CDH11: variants seen among roughly 807,000 people sequenced by gnomAD.
CDH11 encodes cadherin-11.
CDH11 carries 11 observed loss-of-function variants against 67.8 expected under a neutral mutation model. That is an observed-to-expected ratio of 0.16 (90% CI 0.10 to 0.27). The LOEUF (loss-of-function observed/expected upper bound fraction) is 0.27. Ranked by LOEUF, CDH11 falls within the 10% of genes least tolerant of loss-of-function variation. The probability of loss-of-function intolerance (pLI) is 1.00; values close to 1 mark genes in which losing one functional copy is unlikely to be tolerated. For missense variants in CDH11, 847 were observed against 1,031.2 expected, an observed-to-expected ratio of 0.82 and a Z score of 2.45; for synonymous variants, 419 against 400.0, an observed-to-expected ratio of 1.05 and a Z score of -0.57.
intron 1 of CDH11, among the ~76,000 whole-genome samples, chr16:65,110,656 G>C (rs1418149658): frequency 6.7e-6 from 1 of 150,040 alleles, no homozygotes; most frequent in Non-Finnish European, 1.5e-5. Flanking sequence ...GTGTGTGTGT[G>C]TGTGTGTGTG....
Position 65,013,231 on chromosome 16 carries a change from G to A in CDH11, c.-172-8190C>T, listed in dbSNP as rs528027178. Among the ~76,000 whole-genome samples, 11 of 152,220 alleles carry A rather than the reference G, an allele frequency of 7.2e-5. No individual in the cohort carries two copies. In the East Asian group the frequency reaches 2.1e-3, roughly 29 times the overall value. ...GCATCATGGGAATCGTGCCTTCTGGGGCTAGACAATGCAGAGGCCCTGCTA... is the reference window on the plus strand; with the variant it reads ...GCATCATGGGAATCGTGCCTTCTGGAGCTAGACAATGCAGAGGCCCTGCTA... On this transcript the variant is annotated intron_variant, in intron 2 of 12. Transcript: ENST00000268603.
At chr16:65,032,702 T>C (rs997420111) in intron 2 of CDH11, among the ~76,000 whole-genome samples, 1 of 152,246 alleles carries the variant, frequency 6.6e-6, no homozygotes, top group Non-Finnish European at 1.5e-5. Flanking sequence ...AATTTCATTC[T>C]GATTTCCCCT....
At chr16:64,990,542 T>TACACATCTGTACATACATAG (rs1555515725) in intron 6 of CDH11, among the ~76,000 whole-genome samples, 1 of 151,728 alleles carries the variant, frequency 6.6e-6, no homozygotes, top group Admixed American at 6.6e-5. Context: ...TGTCCATTCA[T>TACACATCTGTACATACATAG]ACACATCTGT....
intron 1 of CDH11, among the ~76,000 whole-genome samples, chr16:65,074,565 A>G (rs1401295519): frequency 6.6e-6 from 1 of 152,164 alleles, no homozygotes; most frequent in Admixed American, 6.5e-5. Flanking sequence ...GTCCCAAGAA[A>G]GCACCCAAGA....
At chr16:65,068,730 T>C (rs1324431939) in intron 1 of CDH11, among the ~76,000 whole-genome samples, 1 of 152,230 alleles carries the variant, frequency 6.6e-6, no homozygotes, top group African/African-American at 2.4e-5. Flanking sequence ...CGAAGAAACA[T>C]TAAAGACCAG....
At chr16:65,037,665 T>C (rs559073690) in intron 2 of CDH11, among the ~76,000 whole-genome samples, 8 of 152,118 alleles carry the variant, frequency 5.3e-5, no homozygotes, top group Admixed American at 1.3e-4. Flanking sequence ...GCTTCTGAAC[T>C]GTTTACTTGG....
intron 1 of CDH11, among the ~76,000 whole-genome samples, chr16:65,093,573 A>T (rs1437890231): frequency 6.6e-6 from 1 of 152,120 alleles, no homozygotes; most frequent in Admixed American, 6.5e-5. Flanking sequence ...AGGAGACATG[A>T]TCCTTCAAAC....
intron 1 of CDH11, among the ~76,000 whole-genome samples, chr16:65,101,750 T>C (rs2074996190): frequency 6.6e-6 from 1 of 152,070 alleles, no homozygotes; most frequent in Non-Finnish European, 1.5e-5. Context: ...CTAAAAATTA[T>C]TTTTTTCACT....
intron 2 of CDH11, among the ~76,000 whole-genome samples, chr16:65,016,385 A>G (rs2073309346): frequency 6.6e-6 from 1 of 152,182 alleles, no homozygotes; most frequent in Non-Finnish European, 1.5e-5. Flanking sequence ...TCAAGTGCTT[A>G]GTACAAACGC....
chr16:65,002,261 C>CA (rs59853189), intron 3 of CDH11, among the ~76,000 whole-genome samples: 9,096 of 152,070 alleles, frequency 0.06, 628 homozygotes, highest in African/African-American at 0.17. Context: ...GTAGGCATGA[C>CA]AATTGCTTAC....
chr16:64,988,939 T>A (rs985902856), intron 6 of CDH11, among the ~76,000 whole-genome samples: 1 of 152,128 alleles, frequency 6.6e-6, no homozygotes, highest in Non-Finnish European at 1.5e-5. Flanking sequence ...TTTCCTGCAG[T>A]GTGACCCTCC....
At chr16:65,031,790 G>A (rs1182240670) in intron 2 of CDH11, among the ~76,000 whole-genome samples, 1 of 152,174 alleles carries the variant, frequency 6.6e-6, no homozygotes, top group African/African-American at 2.4e-5. Flanking sequence ...AGAAAATGCT[G>A]AGATTCATGC....
intron 1 of CDH11, among the ~76,000 whole-genome samples, chr16:65,101,000 C>A (rs2074982232): frequency 6.6e-6 from 1 of 152,174 alleles, no homozygotes; most frequent in Admixed American, 6.5e-5. Flanking sequence ...AATTGCTTTT[C>A]TAATATTGTC....
At chr16:65,108,681 A>ATT (rs11383796) in intron 1 of CDH11, among the ~76,000 whole-genome samples, 3 of 102,488 alleles carry the variant, frequency 2.9e-5, no homozygotes, top group Non-Finnish European at 2.1e-5. Flanking sequence ...TCAAATCAAT[A>ATT]TTTAAAAAAA....
At chr16:65,122,246 G>A (rs529607220), upstream of CDH11, 43 of 451,336 alleles carry the variant, frequency 9.5e-5, no homozygotes, top group African/African-American at 7.7e-4. Flanking sequence ...AGGCTGCGGG[G>A]GCCGACCCCG....
chr16:65,070,267 T>C (rs1285082515), intron 1 of CDH11, among the ~76,000 whole-genome samples: 2 of 152,096 alleles, frequency 1.3e-5, no homozygotes, highest in Non-Finnish European at 2.9e-5. Context: ...CCACGGAACA[T>C]GGAGAGAACA....
chr16:65,085,893 A>G (rs868075285), intron 1 of CDH11, among the ~76,000 whole-genome samples: 15 of 152,244 alleles, frequency 9.9e-5, no homozygotes, highest in South Asian at 4.1e-4. Flanking sequence ...TCAGGTATGA[A>G]AAGTAATTCT....
rs776618431 is a variant in CDH11 at position 64,947,650 on chromosome 16, G to T, written c.2344C>A (p.Leu782Ile). 21 of 1,613,932 alleles carry T rather than the reference G, an allele frequency of 1.3e-5. No homozygotes were observed. Among genetic ancestry groups the T allele is most frequent in the Non-Finnish European group, 1.8e-5 (21 of 1,179,964 alleles). ...TCTTTGGAACCATACAAATCTGCTAGTTTCTTAAAACGAGGTCCCCAGTTC... is the reference window on the plus strand; with the variant it reads ...TCTTTGGAACCATACAAATCTGCTATTTTCTTAAAACGAGGTCCCCAGTTC... ...LQNWGPRFKKLADLYGSKDTF... is the reference protein window; with the variant it reads ...LQNWGPRFKKIADLYGSKDTF... The change falls in exon 13 of 13, where the codon CTA (leucine) becomes ATA (isoleucine). Residue 782 changes from leucine (L) to isoleucine (I), a missense_variant. Leu to Ile is a conservative substitution (Grantham distance 5). This residue lies in a region of CDH11 where 612 missense variants were observed against 678.7 expected (regional missense o/e 0.90). Coordinates refer to ENST00000268603, the MANE Select transcript of CDH11 (RefSeq NM_001797.4).
chr16:64,945,877 GA>G lies in CDH11; in HGVS notation c.*1725del. 1.9e-6 allele frequency: 2 copies of G among 1,056,758 alleles called. No homozygotes were observed. The highest frequency in any genetic ancestry group is 2.3e-6 in the Non-Finnish European group (2 of 873,994). 65.5% of individuals were successfully genotyped at this position (1,056,758 alleles called of 1,614,324 possible). On this transcript the variant is annotated 3_prime_UTR_variant, in exon 13 of 13. Transcript: ENST00000268603. ...ACTGTAAAAATTGTCTGCAATCCAA[GA>G]AAAAGCACGTGCCCTGTGTGTAGGG...
Sources: allele counts gnomAD v4.1 joint callset (sites outside exome capture counted in the v4.1 genomes callset), GRCh38; gene constraint gnomAD v4.1.1; regional missense constraint gnomAD v4.1.1; transcripts MANE v1.5; gene names NCBI Gene and HGNC (gene_info 2026-07-23, HGNC 2026-07-21).